TIAM2: variants seen among roughly 807,000 people sequenced by gnomAD.
TIAM2 encodes TIAM Rac1 associated GEF 2.
A neutral mutation model predicts 152.9 loss-of-function variants in TIAM2; 80 were observed. That is an observed-to-expected ratio of 0.52 (90% CI 0.44 to 0.63). The LOEUF is 0.63. TIAM2 is among the 30% of genes least tolerant of loss of function. The pLI is 0.00. For synonymous variants in TIAM2, 804 were observed against 838.0 expected, an observed-to-expected ratio of 0.96 and a Z score of 0.70; for missense variants, 1,965 against 2,120.1, an observed-to-expected ratio of 0.93 and a Z score of 1.44.
chr6:155,097,257 G>A (rs1778435243), intron 2 of TIAM2, among the ~76,000 whole-genome samples: 1 of 152,154 alleles, frequency 6.6e-6, no homozygotes, highest in Non-Finnish European at 1.5e-5. Flanking sequence ...CTAATCCCTT[G>A]TAGATAGGTA....
Position 155,214,903 on chromosome 6 carries a change from A to C in TIAM2, c.3168+3596A>C, listed in dbSNP as rs11156017. On this transcript the variant is annotated intron_variant, in intron 15 of 26. Transcript: ENST00000682666. The surrounding 1 kb of genome is among the most constrained non-coding windows in gnomAD (Gnocchi z 5.4). ...AGATCCTACTGCCCCGGCCTCCTGA[A>C]GTACTGGAATTACAGGTGTGAGTCA... 0.15 allele frequency among the ~76,000 whole-genome samples: 23,353 copies of C among 152,166 alleles called. 2,020 individuals carry two copies. The highest frequency in any genetic ancestry group is 0.35 in the East Asian group (1,826 of 5,164).
At chr6:155,014,505 T>C (rs1421896732) in intron 1 of TIAM2, among the ~76,000 whole-genome samples, 1 of 152,208 alleles carries the variant, frequency 6.6e-6, no homozygotes, top group Non-Finnish European at 1.5e-5. Flanking sequence ...CATTTGTGAA[T>C]ATCTGATACA....
At chr6:155,028,962 A>G (rs1218388765) in intron 1 of TIAM2, among the ~76,000 whole-genome samples, 1 of 104,736 alleles carries the variant, frequency 9.5e-6, no homozygotes, top group Non-Finnish European at 1.8e-5. Context: ...TATACACTGT[A>G]TGTACTATAT....
rs181712371 is a variant in TIAM2 at position 155,217,121 on chromosome 6, G to C, written c.3168+5814G>C. The stretch of plus-strand genomic sequence containing the variant: ...TAAACAAGGGCTTTGATTTTCATGG[G>C]TAAAGATTTTGATCCAAATGTAGGC... On this transcript the variant is annotated intron_variant, in intron 15 of 26. Transcript: ENST00000682666. The C allele has an allele frequency of 5.3e-5, 68 of 1,288,912 alleles. No homozygotes were observed. In the East Asian group the frequency reaches 3.4e-3, roughly 64 times the overall value. The allele number at this position is 1,288,912 out of a possible 1,614,324, so 79.8% of individuals were successfully genotyped here.
chr6:155,051,356 G>A (rs979162657), intron 1 of TIAM2, among the ~76,000 whole-genome samples: 10 of 152,176 alleles, frequency 6.6e-5, no homozygotes, highest in African/African-American at 7.2e-5. Context: ...TGATTTGAGC[G>A]CATCATACGT....
At chr6:155,003,158 C>G (rs1045687247) in intron 1 of TIAM2, among the ~76,000 whole-genome samples, 2 of 152,100 alleles carry the variant, frequency 1.3e-5, no homozygotes, top group Admixed American at 1.3e-4. Flanking sequence ...ATTTGACTCT[C>G]TAAATGGACT....
intron 1 of TIAM2, among the ~76,000 whole-genome samples, chr6:155,003,660 C>T (rs944018994): frequency 1.3e-5 from 2 of 152,124 alleles, no homozygotes; most frequent in Non-Finnish European, 1.5e-5. Flanking sequence ...TCTCCCCTCT[C>T]GGCTCCCCCA....
intron 2 of TIAM2, among the ~76,000 whole-genome samples, chr6:155,116,222 A>G (rs12665451): frequency 0.22 from 33,862 of 152,126 alleles, 4,058 homozygotes; most frequent in South Asian, 0.45. Context: ...TAGTATATAT[A>G]TGTTGTTTTT....
intron 1 of TIAM2, among the ~76,000 whole-genome samples, chr6:155,062,092 C>T (rs1168574302): frequency 4.7e-5 from 7 of 149,088 alleles, no homozygotes; most frequent in African/African-American, 9.9e-5. Flanking sequence ...CTCGCCCCCC[C>T]ACCGCCCCCG....
At chr6:155,237,942 C>T (rs920905338) in intron 15 of TIAM2, among the ~76,000 whole-genome samples, 1 of 152,248 alleles carries the variant, frequency 6.6e-6, no homozygotes, top group Non-Finnish European at 1.5e-5. Context: ...TCCCTCTTTA[C>T]TTATGCAAAT....
chr6:155,208,124 T>C (rs143884169), intron 14 of TIAM2, among the ~76,000 whole-genome samples: 145 of 152,274 alleles, frequency 9.5e-4, no homozygotes, highest in African/African-American at 3.1e-3. Flanking sequence ...GAAATCCCCA[T>C]CATCAGTGAA....
At chr6:155,172,671 T>G (rs544372162) in intron 9 of TIAM2, among the ~76,000 whole-genome samples, 135 of 11,208 alleles carry the variant, frequency 0.012, 2 homozygotes, top group African/African-American at 0.044. Context: ...TATATATATA[T>G]ATATATATAT....
chr6:155,035,898 A>T (rs925683359), intron 1 of TIAM2, among the ~76,000 whole-genome samples: 1 of 152,150 alleles, frequency 6.6e-6, no homozygotes, highest in African/African-American at 2.4e-5. Flanking sequence ...GTATCTCTTT[A>T]TTTTTTGAAA....
intron 1 of TIAM2, among the ~76,000 whole-genome samples, chr6:155,015,455 T>C (rs1778557006): frequency 6.6e-6 from 1 of 151,884 alleles, no homozygotes; most frequent in African/African-American, 2.4e-5. Flanking sequence ...ACTGAAACCA[T>C]GAGAAATAAT....
chr6:155,045,207 C>T (rs1009274296), intron 1 of TIAM2, among the ~76,000 whole-genome samples: 1 of 151,900 alleles, frequency 6.6e-6, no homozygotes, highest in Admixed American at 6.6e-5. Context: ...GCTGGGATTG[C>T]AGGCGCACAC....
intron 15 of TIAM2, among the ~76,000 whole-genome samples, chr6:155,233,693 G>A (rs1233323191): frequency 6.6e-6 from 1 of 152,126 alleles, no homozygotes; most frequent in Non-Finnish European, 1.5e-5. Context: ...TAAAGGCCCG[G>A]CATGGTGGCT....
At chr6:155,255,610 A>T (rs1783949960) in intron 26 of TIAM2, 1 of 119,664 alleles carries the variant, frequency 8.4e-6, no homozygotes, top group Non-Finnish European at 1.8e-5. Flanking sequence ...ATCCAAGAGA[A>T]CAGAACTACA....
intron 1 of TIAM2, among the ~76,000 whole-genome samples, chr6:155,067,322 C>A (rs534665656): frequency 6.6e-6 from 1 of 152,254 alleles, no homozygotes; most frequent in East Asian, 1.9e-4. Flanking sequence ...CCACCCAACT[C>A]CCATAATATG....
rs77863116 is a variant in TIAM2, at chr6:155,165,258, A to C, written c.2215-5A>C. The C allele has an allele frequency of 1.7e-3, 2,676 of 1,602,036 alleles. 43 individuals carry two copies. The African/African-American group carries it at 0.033, about 20-fold the overall frequency. ...AGATTTTTTTTAAACTGTGTTTTAC[A>C]TTAGGTATGTTCTAGAGATGACTCT... is the stretch of plus-strand genomic sequence containing the variant. On this transcript the variant is annotated splice_region_variant and splice_polypyrimidine_tract_variant and intron_variant, in intron 8 of 26. Transcript: ENST00000682666.
Sources: allele counts gnomAD v4.1 joint callset (sites outside exome capture counted in the v4.1 genomes callset), GRCh38; gene constraint gnomAD v4.1.1; non-coding constraint Gnocchi (gnomAD v3.1); transcripts MANE v1.5; gene names NCBI Gene and HGNC (gene_info 2026-07-23, HGNC 2026-07-21).